The following CRYZ variants were observed in gnomAD, a reference collection of about 807,000 sequenced individuals.
The protein encoded by CRYZ is zeta-crystallin.
A neutral mutation model predicts 34.1 loss-of-function variants in CRYZ; 35 were observed. That is an observed-to-expected ratio of 1.03 (90% CI 0.78 to 1.36). CRYZ has a LOEUF of 1.36. Among genes scored for constraint, CRYZ ranks in the 40% most tolerant of loss-of-function variants. The pLI is 0.00. For synonymous variants in CRYZ, 137 were observed against 136.5 expected, an observed-to-expected ratio of 1.00 and a Z score of -0.03; for missense variants, 403 against 391.8, an observed-to-expected ratio of 1.03 and a Z score of -0.24.
At position 74,723,232 on chromosome 1, in the gene CRYZ, C is replaced by T. The variant is rs2100722943; in HGVS notation, c.150G>A (p.Val50=). ...AAGTACCAGAGCGAATGTATGTCTC[C>T]ACGGGGTTGACACCACATGCATGGA... ...IKVHACGVNP[V]ETYIRSGTYS... is the part of the protein sequence containing the mutation. Residue 50 remains valine, a synonymous_variant, in exon 3 of 9, where the codon GTG becomes GTA. Coordinates refer to ENST00000340866, the MANE Select transcript of CRYZ (RefSeq NM_001889.4). 3 of 1,613,858 alleles carry T rather than the reference C, an allele frequency of 1.9e-6. No individual in the cohort carries two copies. Among genetic ancestry groups the T allele is most frequent in the Non-Finnish European group, 2.5e-6 (3 of 1,179,920 alleles).
intron 4 of CRYZ, among the ~76,000 whole-genome samples, chr1:74,716,684 A>C (rs1370739972): frequency 1.3e-5 from 2 of 152,136 alleles, no homozygotes; most frequent in Non-Finnish European, 2.9e-5. Flanking sequence ...ATATTCTCTC[A>C]AAATCTTTCT....
intron 5 of CRYZ, among the ~76,000 whole-genome samples, chr1:74,710,649 T>C (rs1646989391): frequency 6.6e-6 from 1 of 152,224 alleles, no homozygotes; most frequent in African/African-American, 2.4e-5. Flanking sequence ...GGTTTAAAGA[T>C]GATCAGAACA....
intron 5 of CRYZ, among the ~76,000 whole-genome samples, chr1:74,711,197 G>A (rs986760784): frequency 1.3e-5 from 2 of 152,200 alleles, no homozygotes; most frequent in African/African-American, 4.8e-5. Flanking sequence ...AGAATCTGAG[G>A]GGTGAGGGTA....
chr1:74,709,141 G>C (rs1646968506), intron 6 of CRYZ, among the ~76,000 whole-genome samples: 1 of 152,120 alleles, frequency 6.6e-6, no homozygotes, highest in Admixed American at 6.6e-5. Context: ...TTGTGGGAAA[G>C]AGGAGAAGAG....
chr1:74,714,731 CACTT>C (rs1386740931), intron 4 of CRYZ, 101 bp from the exon 5 acceptor site: 5 of 1,168,454 alleles, frequency 4.3e-6, no homozygotes, highest in South Asian at 2.6e-5. Flanking sequence ...GTCTGGCTAA[CACTT>C]ACACAAACAG....
intron 5 of CRYZ, among the ~76,000 whole-genome samples, chr1:74,711,007 C>A (rs1017546799): frequency 1.3e-5 from 2 of 152,096 alleles, no homozygotes; most frequent in African/African-American, 4.8e-5. Flanking sequence ...AAGTGAGGAA[C>A]AAGCCACGAG....
intron 6 of CRYZ, chr1:74,707,421 A>G (rs1435857966): frequency 5.6e-6 from 2 of 355,770 alleles, no homozygotes; most frequent in Non-Finnish European, 1.0e-5. Flanking sequence ...AATTTGTACT[A>G]AATACATTGC....
chr1:74,728,591 A>G (rs748469994), intron 1 of CRYZ, among the ~76,000 whole-genome samples: 9 of 152,226 alleles, frequency 5.9e-5, no homozygotes, highest in Non-Finnish European at 1.2e-4. Flanking sequence ...TACTGTATCA[A>G]AACTCCACAC....
At chr1:74,713,339 G>T (rs1162763367) in intron 5 of CRYZ, among the ~76,000 whole-genome samples, 2 of 152,132 alleles carry the variant, frequency 1.3e-5, no homozygotes, top group African/African-American at 4.8e-5. Context: ...TTAGCTCTCT[G>T]AAAGCCAGGG....
chr1:74,729,543 G>T (rs1647584755), intron 1 of CRYZ, among the ~76,000 whole-genome samples: 1 of 151,214 alleles, frequency 6.6e-6, no homozygotes, highest in African/African-American at 2.4e-5. Flanking sequence ...TACTCAGAAG[G>T]CTGAGGTGGG....
At chr1:74,709,248 A>C (rs1376126144) in intron 6 of CRYZ, among the ~76,000 whole-genome samples, 2 of 152,206 alleles carry the variant, frequency 1.3e-5, no homozygotes, top group Non-Finnish European at 2.9e-5. Context: ...TCATGGTCTT[A>C]AAATTAGATT....
intron 3 of CRYZ, among the ~76,000 whole-genome samples, chr1:74,722,321 T>C (rs919384412): frequency 6.6e-6 from 1 of 152,048 alleles, no homozygotes; most frequent in Non-Finnish European, 1.5e-5. Flanking sequence ...TCAAGAAAGA[T>C]AATGACATAA....
chr1:74,710,235 C>G lies in CRYZ; in HGVS notation c.493G>C (p.Ala165Pro). The change falls in exon 6 of 9, where the codon GCA becomes CCA. Residue 165 changes from alanine to proline, a missense_variant. By Grantham distance (27) the Ala-to-Pro change is conservative. Transcript: ENST00000340866. ...CCATAAGCTCTAGCAATTTGGCATG[C>G]TGCTAATCCAACCTGAAAAACAAAT... ...HGASGGVGLA[A>P]CQIARAYGLK... The G allele has an allele frequency of 6.2e-7, 1 of 1,613,626 alleles. No homozygotes were observed. Among genetic ancestry groups the G allele is most frequent in the Non-Finnish European group, 8.5e-7 (1 of 1,179,784 alleles).
intron 4 of CRYZ, 58 bp downstream of exon 4, chr1:74,719,151 G>A: frequency 2.6e-6 from 4 of 1,539,820 alleles, no homozygotes; most frequent in Non-Finnish European, 3.6e-6. Flanking sequence ...TAGAAGGCAG[G>A]CAGTTAACAC....
intron 3 of CRYZ, 50 bp from the exon 4 acceptor site, chr1:74,719,422 T>C (rs1220711918): frequency 1.3e-6 from 2 of 1,511,456 alleles, no homozygotes; most frequent in South Asian, 2.4e-5. Context: ...ACATATTATG[T>C]CAAAATAGGT....
At chr1:74,727,792 G>A (rs1345148776) in intron 1 of CRYZ, among the ~76,000 whole-genome samples, 1 of 152,090 alleles carries the variant, frequency 6.6e-6, no homozygotes, top group Non-Finnish European at 1.5e-5. Context: ...AATTGAAGAT[G>A]AGATTTGGGT....
At chr1:74,707,072 T>TAA (rs10601033) in intron 7 of CRYZ, 31 bp downstream of exon 7, 1,816 of 1,387,872 alleles carry the variant, frequency 1.3e-3, no homozygotes, top group South Asian at 1.6e-3. Context: ...ATTAAAGTGG[T>TAA]AAAAAAAAAA....
chr1:74,716,047 G>C (rs1434271718), intron 4 of CRYZ, among the ~76,000 whole-genome samples: 1 of 151,916 alleles, frequency 6.6e-6, no homozygotes, highest in Non-Finnish European at 1.5e-5. Flanking sequence ...CGATGAGCAA[G>C]AGTAAATTCA....
chr1:74,723,630 C>G (rs2100723844), intron 2 of CRYZ, among the ~76,000 whole-genome samples: 1 of 152,284 alleles, frequency 6.6e-6, no homozygotes, highest in East Asian at 1.9e-4. Context: ...TAACTGAGTT[C>G]TAGCCAATGG....
Sources: gnomAD v4.1 joint callset for allele counts (sites outside exome capture counted in the v4.1 genomes callset) on GRCh38, gnomAD v4.1.1 for gene constraint, MANE v1.5 for transcripts, NCBI Gene and HGNC (gene_info 2026-07-23, HGNC 2026-07-21) for gene names.